The following RBBP8 variants were observed in gnomAD, a reference collection of about 807,000 sequenced individuals.
RBBP8 encodes DNA endonuclease RBBP8.
RBBP8 carries 88 observed loss-of-function variants against 108.3 expected under a neutral mutation model. The ratio of observed to expected loss-of-function variants is 0.81; its 90% CI spans 0.68 to 0.97. RBBP8 has a LOEUF of 0.97. RBBP8 is among the 50% of genes least tolerant of loss of function. RBBP8 has a pLI of 0.00. For missense variants in RBBP8, 1,023 were observed against 1,049.0 expected, an observed-to-expected ratio of 0.98 and a Z score of 0.34; for synonymous variants, 332 against 348.2, an observed-to-expected ratio of 0.95 and a Z score of 0.52.
intron 4 of RBBP8, among the ~76,000 whole-genome samples, chr18:22,961,562 G>C (rs772299576): frequency 2.0e-5 from 3 of 152,320 alleles, no homozygotes; most frequent in South Asian, 2.1e-4. Context: ...TCTAAAGCAA[G>C]CTTGTCTAAC....
intron 17 of RBBP8, among the ~76,000 whole-genome samples, chr18:23,020,590 CT>C (rs1024290053): frequency 1.7e-3 from 256 of 146,392 alleles, no homozygotes; most frequent in African/African-American, 5.1e-3. Context: ...AATGAATGGC[CT>C]TTTTTTTTTT....
intron 10 of RBBP8, among the ~76,000 whole-genome samples, chr18:22,991,701 C>G (rs1043527208): frequency 3.3e-5 from 5 of 152,120 alleles, no homozygotes; most frequent in Admixed American, 6.6e-5. Flanking sequence ...CAAGTTTTGC[C>G]TTTTGGAATG....
intron 3 of RBBP8, among the ~76,000 whole-genome samples, chr18:22,922,238 A>G (rs1909621625): frequency 6.6e-6 from 1 of 152,178 alleles, no homozygotes; most frequent in South Asian, 2.1e-4. Context: ...GCAAAGAAAA[A>G]AGAAATCTGA....
At chr18:22,945,435 T>A (rs555182842) in intron 2 of RBBP8, among the ~76,000 whole-genome samples, 2 of 152,194 alleles carry the variant, frequency 1.3e-5, no homozygotes, top group African/African-American at 4.8e-5. Flanking sequence ...TTGCCCACGC[T>A]GGAGTGCAAT....
At chr18:23,000,716 G>A (rs1021874312) in intron 14 of RBBP8, among the ~76,000 whole-genome samples, 5 of 150,912 alleles carry the variant, frequency 3.3e-5, no homozygotes, top group Non-Finnish European at 4.4e-5. Context: ...ACTCCAGCCC[G>A]GGTGACAGAG....
intron 8 of RBBP8, among the ~76,000 whole-genome samples, chr18:22,985,427 C>T (rs2144669612): frequency 6.6e-6 from 1 of 152,196 alleles, no homozygotes; most frequent in African/African-American, 2.4e-5. Context: ...GTGATGTTTG[C>T]ATAGGGACTG....
intron 6 of RBBP8, among the ~76,000 whole-genome samples, chr18:22,976,206 C>T (rs1329020678): frequency 1.3e-5 from 2 of 152,084 alleles, no homozygotes; most frequent in African/African-American, 4.8e-5. Context: ...CAATAGAATT[C>T]TGATATTCCT....
upstream of RBBP8, among the ~76,000 whole-genome samples, chr18:22,932,761 C>T (rs970331350): frequency 6.6e-6 from 1 of 152,110 alleles, no homozygotes; most frequent in African/African-American, 2.4e-5. Context: ...GAAAAATGGA[C>T]TTTTTAAAAA....
chr18:22,978,790 A>G (rs140560548), intron 6 of RBBP8, among the ~76,000 whole-genome samples: 1 of 152,330 alleles, frequency 6.6e-6, no homozygotes, highest in African/African-American at 2.4e-5. Context: ...CAGAATGGTG[A>G]CTTAATAATG....
rs760331915 is a variant in RBBP8 at position 22,993,867 on chromosome 18, G to T, written c.1939+20G>T. The T allele has an allele frequency of 1.6e-5, 26 of 1,606,296 alleles. No individual in the cohort carries two copies. The Admixed American group carries it at 4.3e-4, about 27-fold the overall frequency. ...ACCAAGGTGTGTACACCATAAACAG[G>T]ATCTCCACTTTTTTAATGACTTCAG... On this transcript the variant is annotated intron_variant, in intron 12 of 18. Coordinates refer to ENST00000327155, the MANE Select transcript of RBBP8 (RefSeq NM_002894.3).
chr18:22,954,843 A>G (rs1345032074), intron 4 of RBBP8, among the ~76,000 whole-genome samples: 1 of 152,108 alleles, frequency 6.6e-6, no homozygotes, highest in African/African-American at 2.4e-5. Flanking sequence ...AAAAGGGGGA[A>G]AAGCCCCTTA....
intron 4 of RBBP8, among the ~76,000 whole-genome samples, chr18:22,951,837 A>G (rs1463411614): frequency 6.6e-6 from 1 of 152,232 alleles, no homozygotes; most frequent in African/African-American, 2.4e-5. Flanking sequence ...AAATTTGTTA[A>G]AGGTTACAAG....
intron 4 of RBBP8, among the ~76,000 whole-genome samples, chr18:22,953,530 C>A (rs2144508400): frequency 6.6e-6 from 1 of 152,238 alleles, no homozygotes; most frequent in East Asian, 1.9e-4. Flanking sequence ...TTCATCCTGC[C>A]CCTTGAAGAC....
At chr18:22,982,131 T>C in intron 6 of RBBP8, 87 bp from the exon 7 acceptor site, 1 of 1,423,508 alleles carries the variant, frequency 7.0e-7, no homozygotes, top group South Asian at 1.2e-5. Context: ...GAGCTTCATG[T>C]TTGTGTTCTA....
rs2060937904 is a variant in RBBP8, at chr18:22,994,802, G to T, written c.1939+955G>T. Among the ~76,000 whole-genome samples, 3 of 151,870 alleles carry T rather than the reference G, an allele frequency of 2.0e-5. No individual in the cohort carries two copies. In the South Asian group the frequency reaches 6.2e-4, roughly 32 times the overall value. On this transcript the variant is annotated intron_variant, in intron 12 of 18. Coordinates refer to ENST00000327155, the MANE Select transcript of RBBP8 (RefSeq NM_002894.3). ...GCAGTGGCATGATCACGGCTCACTT[G>T]CAGCCTTGACCTCCCAGGCTCAGGT...
chr18:22,978,177 CATGAAGGGAAACCCCAGATCCATA>C (rs1200663229), intron 6 of RBBP8, among the ~76,000 whole-genome samples: 1 of 152,120 alleles, frequency 6.6e-6, no homozygotes, highest in African/African-American at 2.4e-5. Context: ...TTTACAGACT[CATGAAGGGAAACCCCAGATCCATA>C]ATTATAGGTC....
chr18:22,994,171 C>T (rs895993126), intron 12 of RBBP8, among the ~76,000 whole-genome samples: 5 of 149,128 alleles, frequency 3.4e-5, no homozygotes, highest in Non-Finnish European at 7.4e-5. Context: ...TAGGCGCCCA[C>T]CATGCCCGGC....
Position 22,984,978 on chromosome 18 carries a change from T to A in RBBP8, c.697T>A (p.Ser233Thr). Residue 233 changes from serine to threonine, a missense_variant, in exon 8 of 19, where the codon TCT (serine) becomes ACT (threonine). Ser to Thr is a moderately conservative substitution (Grantham distance 58). Coordinates refer to ENST00000327155, the MANE Select transcript of RBBP8 (RefSeq NM_002894.3). Reference protein sequence around the residue: ...LVADTYDQSQSPMAKAHGTSS... With the variant: ...LVADTYDQSQTPMAKAHGTSS... ...AGCTGACACTTATGACCAAAGTCAA[T>A]CTCCAATGGCCAGTAAGCAAGATAC... is the stretch of plus-strand genomic sequence containing the variant. 4 of 1,611,528 alleles carry A rather than the reference T, an allele frequency of 2.5e-6. No individual in the cohort carries two copies. The highest frequency in any genetic ancestry group is 3.4e-6 in the Non-Finnish European group (4 of 1,178,172).
chr18:22,929,510 G>GTGTGTGTGTGTGTGTGTGTGTGTGTTT (rs147326546), upstream of RBBP8: 5 of 125,280 alleles, frequency 4.0e-5, no homozygotes, highest in African/African-American at 1.6e-4. Context: ...GTGTGTGTGT[G>GTGTGTGTGTGTGTGTGTGTGTGTGTTT]AAGAGACAGG....
Sources: gnomAD v4.1 joint callset for allele counts (sites outside exome capture counted in the v4.1 genomes callset) on GRCh38, gnomAD v4.1.1 for gene constraint, MANE v1.5 for transcripts, NCBI Gene and HGNC (gene_info 2026-07-23, HGNC 2026-07-21) for gene names.